The following FRMD8 variants were observed in gnomAD, a reference collection of about 807,000 sequenced individuals.
FRMD8 encodes the protein FERM domain containing 8.
A neutral mutation model predicts 54.2 loss-of-function variants in FRMD8; 37 were observed. That is an observed-to-expected ratio of 0.68 (90% CI 0.53 to 0.90). The LOEUF is 0.90. Ranked by LOEUF, FRMD8 falls within the 40% of genes least tolerant of loss-of-function variation. The probability of loss-of-function intolerance (pLI) is 0.00; values close to 1 mark genes in which losing one functional copy is unlikely to be tolerated. For missense variants in FRMD8, 585 were observed against 653.7 expected, an observed-to-expected ratio of 0.89 and a Z score of 1.15; for synonymous variants, 246 against 286.9, an observed-to-expected ratio of 0.86 and a Z score of 1.44.
At chr11:65,408,293 C>T (rs1856253144) in intron 10 of FRMD8, among the ~76,000 whole-genome samples, 1 of 152,122 alleles carries the variant, frequency 6.6e-6, no homozygotes, top group East Asian at 1.9e-4. Context: ...AGGCTGGTCT[C>T]CAACTCCCGA....
upstream of FRMD8, chr11:65,382,173 G>C (rs975136674): frequency 1.7e-6 from 1 of 583,114 alleles, no homozygotes; most frequent in Admixed American, 2.9e-5. This position sits in a 1 kb window ranked among gnomAD's most constrained non-coding sequence, Gnocchi z 4.4. Context: ...ACAGTCTCAC[G>C]GGCCAGGCGT....
At chr11:65,379,513 C>T in the FRMD8 span, 3 of 1,613,390 alleles carry the variant, frequency 1.9e-6, no homozygotes, top group Non-Finnish European at 2.5e-6. Flanking sequence ...GAGTTGACCA[C>T]AGCTATGCTG....
chr11:65,380,618 C>G, the FRMD8 span: 2 of 1,292,394 alleles, frequency 1.5e-6, no homozygotes, highest in South Asian at 2.5e-5. Flanking sequence ...GCTGGCCACG[C>G]AGAACTGCAG....
At position 65,386,724 on chromosome 11, in the gene FRMD8, C is replaced by A. The variant is rs1332937221; in HGVS notation, c.-38C>A. On this transcript the variant is annotated 5_prime_UTR_variant, in exon 1 of 11. Coordinates refer to ENST00000317568, the MANE Select transcript of FRMD8 (RefSeq NM_031904.5). ...GGCGGGGCAGGATTCCAGGCAGGAG[C>A]CTTGCCTCTCAGGTGGCGGGCTCTG... The A allele has an allele frequency of 2.6e-6, 1 of 385,054 alleles. No homozygotes were observed. Among genetic ancestry groups the A allele is most frequent in the Non-Finnish European group, 4.7e-6 (1 of 214,078 alleles). The allele number at this position is 385,054 out of a possible 1,614,324, so 23.9% of individuals were successfully genotyped here. A position where few individuals can be genotyped will look rare whatever the true frequency, so the allele number is the denominator to read the frequency against.
chr11:65,401,515 C>G (rs1284952696), intron 9 of FRMD8, among the ~76,000 whole-genome samples: 1 of 150,518 alleles, frequency 6.6e-6, no homozygotes, highest in Non-Finnish European at 1.5e-5. Flanking sequence ...CTTCATTCCA[C>G]ACCTCTCCGG....
chr11:65,393,424 T>C lies in FRMD8; in HGVS notation c.254-149T>C, dbSNP rs1855880498. On this transcript the variant is annotated intron_variant, in intron 3 of 10. Transcript: ENST00000317568. ...TCTATGGGTGAAATGGGGGATAGGG[T>C]TATTGCAGAGTAAATGGCTCTGGAC... is the stretch of plus-strand genomic sequence containing the variant. The C allele has an allele frequency of 6.7e-6, 4 of 595,178 alleles. No homozygotes were observed. In the East Asian group the frequency reaches 1.2e-4, roughly 18 times the overall value. The allele number at this position is 595,178 out of a possible 1,614,324, so 36.9% of individuals were successfully genotyped here.
the FRMD8 span, chr11:65,379,715 G>A: frequency 4.0e-6 from 5 of 1,249,626 alleles, no homozygotes; most frequent in African/African-American, 1.5e-5. Context: ...CTGCGCCTCT[G>A]GGGTGCTAAG....
At chr11:65,403,162 G>A (rs947874938) in intron 9 of FRMD8, among the ~76,000 whole-genome samples, 1 of 152,004 alleles carries the variant, frequency 6.6e-6, no homozygotes, top group Non-Finnish European at 1.5e-5. Flanking sequence ...ACAGGCATGA[G>A]CCCCTGTGTC....
chr11:65,372,881 C>T, the FRMD8 span, among the ~76,000 whole-genome samples: 1 of 152,220 alleles, frequency 6.6e-6, no homozygotes, highest in Non-Finnish European at 1.5e-5. Context: ...GCTGTACCAT[C>T]GCTGCAATGT....
At position 65,412,936 on chromosome 11, in the gene FRMD8, G is replaced by C. The variant is rs1336776296; in HGVS notation, c.*1576G>C. On this transcript the variant is annotated 3_prime_UTR_variant, in exon 11 of 11. Transcript: ENST00000317568. ...GTCTTGCGGAGCTGCCCGCCTGCCT[G>C]TTCTGGCGGCTCCAGCGCAGGCTGT... is the stretch of plus-strand genomic sequence containing the variant. The C allele has an allele frequency of 6.6e-6, 1 of 152,256 alleles. No individual in the cohort carries two copies. The highest frequency in any genetic ancestry group is 1.5e-5 in the Non-Finnish European group (1 of 68,072). The allele number at this position is 152,256 out of a possible 1,614,324, so 9.4% of individuals were successfully genotyped here. A position where few individuals can be genotyped will look rare whatever the true frequency, so the allele number is the denominator to read the frequency against.
At chr11:65,393,499 C>G (rs1261420148) in intron 3 of FRMD8, 74 bp from the exon 4 acceptor site, 2 of 1,086,560 alleles carry the variant, frequency 1.8e-6, no homozygotes, top group African/African-American at 1.5e-5. Context: ...TCATGCTGTG[C>G]GGTGTGATAG....
At chr11:65,380,192 G>A in the FRMD8 span, 1 of 1,614,166 alleles carries the variant, frequency 6.2e-7, no homozygotes, top group South Asian at 1.1e-5. Context: ...TGACAAGAGG[G>A]TGCTATGAGT....
chr11:65,396,716 A>G lies in FRMD8; in HGVS notation c.582-83A>G, dbSNP rs926444355. The G allele has an allele frequency of 2.3e-5, 20 of 864,348 alleles. 1 individual carries two copies. The South Asian group carries it at 3.4e-4, about 15-fold the overall frequency. The allele number at this position is 864,348 out of a possible 1,614,324, so 53.5% of individuals were successfully genotyped here. A position where few individuals can be genotyped will look rare whatever the true frequency, so the allele number is the denominator to read the frequency against. On this transcript the variant is annotated intron_variant, in intron 6 of 10. Transcript: ENST00000317568. ...AAGTAGATGTGTGTCTGCTTCCTCC[A>G]GGCAGCCTTGCTTCCCTCGCCCTCC... is the stretch of plus-strand genomic sequence containing the variant.
At chr11:65,394,633 G>A (rs1255976630) in intron 6 of FRMD8, among the ~76,000 whole-genome samples, 2 of 152,240 alleles carry the variant, frequency 1.3e-5, no homozygotes, top group Non-Finnish European at 2.9e-5. Flanking sequence ...AGCCTCAGGT[G>A]AAGTGAAGTC....
At chr11:65,381,947 G>A (rs373554602), upstream of FRMD8, 137 of 1,613,934 alleles carry the variant, frequency 8.5e-5, 1 homozygote, top group Non-Finnish European at 1.0e-4. Flanking sequence ...TTCCTCCACC[G>A]GCATTGTCTG....
chr11:65,380,154 C>T, the FRMD8 span: 1 of 1,614,182 alleles, frequency 6.2e-7, no homozygotes, highest in Admixed American at 1.7e-5. Context: ...AAACGGGTGT[C>T]CCAGGACCAA....
At chr11:65,379,104 G>A in the FRMD8 span, 31 of 462,246 alleles carry the variant, frequency 6.7e-5, no homozygotes, top group Non-Finnish European at 9.8e-5. Context: ...CTGGAGGGGG[G>A]CAAGCCCCGT....
upstream of FRMD8, among the ~76,000 whole-genome samples, chr11:65,383,948 G>T (rs758067761): frequency 1.4e-4 from 22 of 152,120 alleles, no homozygotes; most frequent in Admixed American, 7.9e-4. Context: ...AACCTCTTCT[G>T]TGGGCCTTGG....
the FRMD8 span, among the ~76,000 whole-genome samples, chr11:65,371,318 C>T: frequency 2.0e-5 from 3 of 152,080 alleles, no homozygotes; most frequent in Non-Finnish European, 2.9e-5. Context: ...ATAAGTTAGT[C>T]TCCTGGAATT....
Sources: allele counts gnomAD v4.1 joint callset (sites outside exome capture counted in the v4.1 genomes callset), GRCh38; gene constraint gnomAD v4.1.1; non-coding constraint Gnocchi (gnomAD v3.1); transcripts MANE v1.5; gene names NCBI Gene and HGNC (gene_info 2026-07-23, HGNC 2026-07-21).